Variants in SRBD1 observed in about 807,000 individuals in gnomAD.
SRBD1 encodes S1 RNA binding domain 1, also known as S1 RNA-binding domain-containing protein 1.
Under a neutral mutation model 115.3 loss-of-function variants are expected in SRBD1, and 88 were observed. The observed-to-expected ratio is 0.76, with a 90% CI of 0.64 to 0.91. The LOEUF is 0.91. Ranked by LOEUF, SRBD1 falls within the 40% of genes least tolerant of loss-of-function variation. The pLI, the probability that SRBD1 is intolerant of heterozygous loss-of-function variation, is 0.00. For missense variants in SRBD1, 1,385 were observed against 1,177.4 expected (o/e 1.18, Z -2.58); for synonymous variants, 509 against 407.7 (o/e 1.25, Z -2.99).
intron 16 of SRBD1, among the ~76,000 whole-genome samples, chr2:45,444,823 GAC>G (rs747301196): frequency 1.3e-5 from 2 of 152,170 alleles, no homozygotes; most frequent in African/African-American, 4.8e-5. Context: ...ATCAGTAAGA[GAC>G]AAAGCCTCTG....
intron 12 of SRBD1, 24 bp downstream of exon 12, chr2:45,551,101 A>C: frequency 6.4e-7 from 1 of 1,571,058 alleles, no homozygotes; most frequent in South Asian, 1.2e-5. Context: ...CAACTTTTAC[A>C]TGGAAAATTG....
intron 16 of SRBD1, among the ~76,000 whole-genome samples, chr2:45,431,293 T>C (rs988995536): frequency 2.0e-5 from 3 of 152,150 alleles, no homozygotes; most frequent in Non-Finnish European, 2.9e-5. Flanking sequence ...AGCAATCCCA[T>C]TACTGGGTAT....
chr2:45,580,151 T>C (rs1673304960), intron 6 of SRBD1, 138 bp from the exon 7 acceptor site: 1 of 680,708 alleles, frequency 1.5e-6, no homozygotes, highest in African/African-American at 1.8e-5. Flanking sequence ...CAGAGATGAA[T>C]TAAAACTAAT....
chr2:45,477,828 C>A (rs1208060158), intron 15 of SRBD1, among the ~76,000 whole-genome samples: 1 of 152,196 alleles, frequency 6.6e-6, no homozygotes, highest in Non-Finnish European at 1.5e-5. Context: ...TCTGTCCCAA[C>A]TGCTTGTCTC....
rs915380880 is a variant in SRBD1, at chr2:45,406,607, C to G, written c.2513+6507G>C. ...ACCATACTCCTCTCCTAAAATAAGA[C>G]AGCAAACACATGCCTCATATAAAAA... is the stretch of plus-strand genomic sequence containing the variant. On this transcript the variant is annotated intron_variant, in intron 19 of 20. Coordinates refer to ENST00000263736, the MANE Select transcript of SRBD1 (RefSeq NM_018079.5). 5.3e-5 allele frequency among the ~76,000 whole-genome samples: 8 copies of G among 152,124 alleles called. No individual in the cohort carries two copies. The South Asian group carries it at 1.2e-3, about 24-fold the overall frequency.
intron 14 of SRBD1, among the ~76,000 whole-genome samples, chr2:45,517,299 C>T (rs1671148901): frequency 6.6e-6 from 1 of 152,074 alleles, no homozygotes; most frequent in African/African-American, 2.4e-5. Context: ...GCTCTCTGTT[C>T]CTGTTTTTAC....
chr2:45,582,753 A>G (rs1393740032), intron 5 of SRBD1, among the ~76,000 whole-genome samples: 1 of 152,110 alleles, frequency 6.6e-6, no homozygotes, highest in African/African-American at 2.4e-5. Context: ...ATGATATTTC[A>G]GGCTTATCTT....
chr2:45,441,457 A>G (rs548623297), intron 16 of SRBD1, among the ~76,000 whole-genome samples: 26 of 152,376 alleles, frequency 1.7e-4, no homozygotes, highest in African/African-American at 6.3e-4. Context: ...ATCCTGGTAC[A>G]TAGTACGTAC....
At chr2:45,544,307 T>C (rs1672040134) in intron 14 of SRBD1, among the ~76,000 whole-genome samples, 1 of 152,032 alleles carries the variant, frequency 6.6e-6, no homozygotes. Context: ...ACTTAACATA[T>C]TTACTACAAA....
chr2:45,519,666 G>C (rs1212206579), intron 14 of SRBD1, among the ~76,000 whole-genome samples: 1 of 152,014 alleles, frequency 6.6e-6, no homozygotes, highest in Non-Finnish European at 1.5e-5. Context: ...TTCTAACTCA[G>C]GCACATACAT....
chr2:45,393,254 G>C (rs1431948224), intron 19 of SRBD1, 125 bp from the exon 20 acceptor site: 15 of 961,884 alleles, frequency 1.6e-5, no homozygotes, highest in Non-Finnish European at 2.2e-5. Flanking sequence ...TCTTTATTGA[G>C]AATCTATTAT....
intron 18 of SRBD1, among the ~76,000 whole-genome samples, chr2:45,417,030 T>A (rs1362515868): frequency 6.6e-6 from 1 of 152,214 alleles, no homozygotes; most frequent in Non-Finnish European, 1.5e-5. Flanking sequence ...CGACGGCTCC[T>A]GGCCTATGCT....
At chr2:45,525,960 G>A (rs1671427491) in intron 14 of SRBD1, among the ~76,000 whole-genome samples, 2 of 151,972 alleles carry the variant, frequency 1.3e-5, no homozygotes, top group Admixed American at 6.6e-5. Context: ...AACCCAAAAA[G>A]TCAGGTAACC....
At chr2:45,594,873 CATG>C (rs369989691) in intron 4 of SRBD1, among the ~76,000 whole-genome samples, 3 of 152,304 alleles carry the variant, frequency 2.0e-5, no homozygotes, top group South Asian at 2.1e-4. Flanking sequence ...CTTCAATAGG[CATG>C]ATAATAAAGT....
At chr2:45,599,922 T>C in intron 3 of SRBD1, 87 bp from the exon 4 acceptor site, 1 of 1,381,122 alleles carries the variant, frequency 7.2e-7, no homozygotes, top group South Asian at 1.5e-5. Flanking sequence ...AGTGAACAAA[T>C]TATTGATACA....
At chr2:45,414,815 T>TAGTGTGTATATAGTATGTACACAC (rs1558563629) in intron 18 of SRBD1, among the ~76,000 whole-genome samples, 1 of 29,000 alleles carries the variant, frequency 3.4e-5, no homozygotes, top group East Asian at 4.3e-4. Flanking sequence ...TACACACACA[T>TAGTGTGTATATAGTATGTACACAC]ATAGTGTGTA....
intron 19 of SRBD1, among the ~76,000 whole-genome samples, chr2:45,406,035 A>G (rs1667426969): frequency 6.6e-6 from 1 of 152,192 alleles, no homozygotes; most frequent in African/African-American, 2.4e-5. Context: ...GACATTAAAG[A>G]TACAAGAGAC....
intron 19 of SRBD1, among the ~76,000 whole-genome samples, chr2:45,405,936 T>C (rs1397699820): frequency 6.6e-6 from 1 of 151,920 alleles, no homozygotes; most frequent in African/African-American, 2.4e-5. Flanking sequence ...AGATAAAAGG[T>C]GGCCACAGCT....
chr2:45,587,173 TA>T (rs1359881763), intron 4 of SRBD1, among the ~76,000 whole-genome samples: 2 of 145,430 alleles, frequency 1.4e-5, no homozygotes, highest in East Asian at 3.9e-4. Context: ...TTATAAATAT[TA>T]AAATATTTAA....
Sources: allele counts gnomAD v4.1 joint callset (sites outside exome capture counted in the v4.1 genomes callset), GRCh38; gene constraint gnomAD v4.1.1; transcripts MANE v1.5; gene names NCBI Gene and HGNC (gene_info 2026-07-23, HGNC 2026-07-21).